C19orf38: variants seen among roughly 807,000 people sequenced by gnomAD.
The protein encoded by C19orf38 is chromosome 19 open reading frame 38, also known as protein HIDE1.
In C19orf38, 14 loss-of-function variants were observed where a neutral mutation model predicts 26.6. The observed-to-expected ratio is 0.53, with a 90% CI of 0.35 to 0.82. C19orf38 has a LOEUF of 0.82. Among genes scored for constraint, C19orf38 ranks in the 40% least tolerant of loss-of-function variants. The pLI, the probability that C19orf38 is intolerant of heterozygous loss-of-function variation, is 0.01. For synonymous variants in C19orf38, 132 were observed against 128.5 expected (o/e 1.03, Z -0.18); for missense variants, 261 against 299.5 (o/e 0.87, Z 0.95).
chr19:10,844,092 C>T (rs1045095189), upstream of C19orf38, among the ~76,000 whole-genome samples: 5 of 149,660 alleles, frequency 3.3e-5, no homozygotes, highest in East Asian at 2.0e-4. Context: ...CCAGCCGGGG[C>T]GACAAAGTGA....
At chr19:10,864,321 G>C (rs1410671393) in intron 6 of C19orf38, among the ~76,000 whole-genome samples, 1 of 152,072 alleles carries the variant, frequency 6.6e-6, no homozygotes, top group Admixed American at 6.6e-5. Flanking sequence ...TTACAGGTGT[G>C]AGCCACCATG....
upstream of C19orf38, among the ~76,000 whole-genome samples, chr19:10,846,109 C>CA (rs2073514329): frequency 6.6e-6 from 1 of 150,548 alleles, no homozygotes; most frequent in Non-Finnish European, 1.5e-5. Context: ...TTGAGCCCAG[C>CA]AGGGTGAGGC....
Position 10,869,405 on chromosome 19 carries a change from C to G in C19orf38, c.*38C>G. ...GGGGACCCCTCTGTCTCCAGGCATTCGGGGGCCTGAGGTCCCTCCAGCTAC... is the reference window on the plus strand; with the variant it reads ...GGGGACCCCTCTGTCTCCAGGCATTGGGGGGCCTGAGGTCCCTCCAGCTAC... On this transcript the variant is annotated 3_prime_UTR_variant, in exon 7 of 7. Coordinates refer to ENST00000397820, the MANE Select transcript of C19orf38 (RefSeq NM_001136482.3). 1 of 1,519,124 alleles carries G rather than the reference C, an allele frequency of 6.6e-7. No individual in the cohort carries two copies. Among genetic ancestry groups the G allele is most frequent in the Non-Finnish European group, 8.8e-7 (1 of 1,132,412 alleles). 94.1% of individuals were successfully genotyped at this position (1,519,124 alleles called of 1,614,324 possible).
chr19:10,863,328 A>G, intron 6 of C19orf38, 121 bp downstream of exon 6: 1 of 1,156,184 alleles, frequency 8.6e-7, no homozygotes, highest in Admixed American at 2.1e-5. Flanking sequence ...CGGGGGGGCT[A>G]GGAAAAGCCC....
intron 3 of C19orf38, among the ~76,000 whole-genome samples, chr19:10,857,915 AAAG>A (rs2073647086): frequency 1.3e-5 from 2 of 149,334 alleles, no homozygotes; most frequent in Non-Finnish European, 3.0e-5. Flanking sequence ...AGAAAGAAAG[AAAG>A]AAAGAAAGAA....
intron 2 of C19orf38, among the ~76,000 whole-genome samples, chr19:10,853,411 C>T (rs984285477): frequency 6.6e-6 from 1 of 151,908 alleles, no homozygotes; most frequent in Non-Finnish European, 1.5e-5. Context: ...CTCAGCCTCC[C>T]GAGTAGCTGG....
At chr19:10,859,330 ATGTGTG>A (rs35222384) in intron 4 of C19orf38, among the ~76,000 whole-genome samples, 1 of 64,790 alleles carries the variant, frequency 1.5e-5, no homozygotes, top group Admixed American at 1.9e-4. Flanking sequence ...GTGTGTATGT[ATGTGTG>A]TGTGTGTGTG....
intron 4 of C19orf38, 130 bp downstream of exon 4, chr19:10,858,473 G>A (rs761298283): frequency 2.3e-6 from 2 of 878,288 alleles, no homozygotes; most frequent in Non-Finnish European, 3.5e-6. Flanking sequence ...AGGAACAGGA[G>A]CCATTTATTA....
chr19:10,842,109 G>T, intron 1 of C19orf38: 1 of 1,581,156 alleles, frequency 6.3e-7, no homozygotes, highest in East Asian at 2.2e-5. Flanking sequence ...AGGTAATGCT[G>T]CTGTATCCTC....
intron 1 of C19orf38, among the ~76,000 whole-genome samples, chr19:10,842,487 C>G (rs2073485376): frequency 6.6e-6 from 1 of 152,104 alleles, no homozygotes; most frequent in African/African-American, 2.4e-5. Flanking sequence ...GTCTTGTTCT[C>G]CTGACCTCGT....
chr19:10,866,579 A>C (rs1159276897), intron 6 of C19orf38, among the ~76,000 whole-genome samples: 1 of 151,456 alleles, frequency 6.6e-6, no homozygotes, highest in Non-Finnish European at 1.5e-5. Flanking sequence ...TGCTGCACCC[A>C]GGTTCAAGCA....
intron 5 of C19orf38, among the ~76,000 whole-genome samples, chr19:10,861,499 C>T (rs889270583): frequency 2.0e-5 from 3 of 152,222 alleles, no homozygotes; most frequent in Non-Finnish European, 4.4e-5. Context: ...GTCCACAAGC[C>T]CATTCTCCAA....
intron 1 of C19orf38, among the ~76,000 whole-genome samples, chr19:10,837,995 T>A (rs1361675519): frequency 6.6e-6 from 1 of 152,196 alleles, no homozygotes; most frequent in Non-Finnish European, 1.5e-5. Flanking sequence ...TTTCCCTGTG[T>A]TGCCCAGGCT....
chr19:10,846,419 G>A (rs2073518581), upstream of C19orf38, among the ~76,000 whole-genome samples: 1 of 151,716 alleles, frequency 6.6e-6, no homozygotes, highest in Non-Finnish European at 1.5e-5. Flanking sequence ...ATCTTAAGAA[G>A]CTATTAATAC....
rs773726753 is a variant in C19orf38 at position 10,857,366 on chromosome 19, A to ATTTT, written c.434-934_434-931dup. On this transcript the variant is annotated intron_variant, in intron 3 of 6. Transcript: ENST00000397820. ...TATATATATATATATATATATATAT[A>ATTTT]TTTTTTTTTTTTTTTTTTTAAGATG... Among the ~76,000 whole-genome samples, 141 of 56,080 alleles carry ATTTT rather than the reference A, an allele frequency of 2.5e-3. 5 individuals carry two copies. The highest frequency in any genetic ancestry group is 7.9e-3 in the East Asian group (10 of 1,270). 36.8% of individuals were successfully genotyped at this position (56,080 alleles called of 152,430 possible).
intron 6 of C19orf38, among the ~76,000 whole-genome samples, chr19:10,865,387 T>C (rs1401661360): frequency 2.0e-5 from 3 of 152,210 alleles, no homozygotes; most frequent in Non-Finnish European, 4.4e-5. Flanking sequence ...CCTCAGGTGA[T>C]CCGCCCGCCT....
At chr19:10,860,524 G>C (rs1347271106) in intron 5 of C19orf38, among the ~76,000 whole-genome samples, 2 of 102,602 alleles carry the variant, frequency 1.9e-5, no homozygotes, top group Non-Finnish European at 3.5e-5. Context: ...AACAGAGCCA[G>C]ACTCCATCTC....
rs773085625 is a variant in C19orf38, at chr19:10,858,353, T to C, written c.461+10T>C. 1.9e-5 allele frequency: 29 copies of C among 1,538,878 alleles called. No individual in the cohort carries two copies. In the African/African-American group the frequency reaches 3.7e-4, roughly 20 times the overall value. ...ATTTACAGAAGAAAAGGTGAGATCA[T>C]CCCTGGAGACCCACAGAGGGTGGTT... On this transcript the variant is annotated intron_variant, in intron 4 of 6. Coordinates refer to ENST00000397820, the MANE Select transcript of C19orf38 (RefSeq NM_001136482.3).
upstream of C19orf38, among the ~76,000 whole-genome samples, chr19:10,844,090 G>A (rs1436842108): frequency 6.6e-6 from 1 of 151,814 alleles, no homozygotes; most frequent in African/African-American, 2.4e-5. Flanking sequence ...CTCCAGCCGG[G>A]GCGACAAAGT....
Sources: gnomAD v4.1 joint callset for allele counts (sites outside exome capture counted in the v4.1 genomes callset) on GRCh38, gnomAD v4.1.1 for gene constraint, MANE v1.5 for transcripts, NCBI Gene and HGNC (gene_info 2026-07-23, HGNC 2026-07-21) for gene names.